Variants in SOX5 observed in about 807,000 individuals in gnomAD.
SOX5 encodes SRY-box transcription factor 5, also known as transcription factor SOX-5.
SOX5 carries 9 observed loss-of-function variants against 92.0 expected under a neutral mutation model. The observed-to-expected ratio is 0.10, with a 90% CI of 0.06 to 0.17. The LOEUF is 0.17. Among genes scored for constraint, SOX5 ranks in the 10% least tolerant of loss-of-function variants. The pLI, the probability that SOX5 is intolerant of heterozygous loss-of-function variation, is 1.00. For missense variants in SOX5, 642 were observed against 944.5 expected (o/e 0.68, Z 4.20); for synonymous variants, 344 against 336.3 (o/e 1.02, Z -0.25).
chr12:23,869,947 T>G (rs1401950533), intron 2 of SOX5, among the ~76,000 whole-genome samples: 1 of 152,290 alleles, frequency 6.6e-6, no homozygotes, highest in East Asian at 1.9e-4. Flanking sequence ...GATAAAAATG[T>G]GCTTTTCTCA....
intron 2 of SOX5, among the ~76,000 whole-genome samples, chr12:24,284,093 T>A (rs1945542036): frequency 6.6e-6 from 1 of 152,246 alleles, no homozygotes; most frequent in African/African-American, 2.4e-5. Flanking sequence ...AGTCGCATTG[T>A]CTGTCCCCAA....
At position 23,642,071 on chromosome 12, in the gene SOX5, C is replaced by T. The variant is rs190329728; in HGVS notation, c.932-1174G>A. Among the ~76,000 whole-genome samples, 513 of 152,040 alleles carry T rather than the reference C, an allele frequency of 3.4e-3. 7 individuals carry two copies. The highest frequency in any genetic ancestry group is 0.031 in the Admixed American group (470 of 15,282). ...CTGGCCTCTTGCAGTATGTTCACTGCGTATTTTTATATTTGTCATATATTT... is the reference window on the plus strand; with the variant it reads ...CTGGCCTCTTGCAGTATGTTCACTGTGTATTTTTATATTTGTCATATATTT... On this transcript the variant is annotated intron_variant, in intron 7 of 14. Coordinates refer to ENST00000451604, the MANE Select transcript of SOX5 (RefSeq NM_006940.6).
In SOX5 at chr12:24,355,280, ATCTTTTTTTTTTTTT is replaced by A. The variant is rs1322758011; in HGVS notation, c.-174+13268_-174+13282del. Reference sequence around the variant, plus strand: ...AGTTAGCAGGTGTGGTGAGGGGTGCATCTTTTTTTTTTTTTTTTTTTTTTTTTTTTTTTTTTTTTT... The same window carrying A: ...AGTTAGCAGGTGTGGTGAGGGGTGCATTTTTTTTTTTTTTTTTTTTTTTTT... On this transcript the variant is annotated intron_variant, in intron 2 of 4. Coordinates refer to the SOX5 transcript ENST00000446891. 2.7e-3 allele frequency among the ~76,000 whole-genome samples: 223 copies of A among 84,000 alleles called. 4 individuals are homozygous for A. Among genetic ancestry groups the A allele is most frequent in the African/African-American group, 0.012 (207 of 17,258 alleles). 55.1% of individuals were successfully genotyped at this position (84,000 alleles called of 152,430 possible).
intron 12 of SOX5, 59 bp downstream of exon 12, chr12:23,546,257 T>G: frequency 1.0e-6 from 1 of 954,730 alleles, no homozygotes; most frequent in Non-Finnish European, 1.7e-6. Flanking sequence ...CAGTTTTAAT[T>G]GGCACTACCT....
At chr12:23,899,208 C>G (rs1442730049) in intron 1 of SOX5, among the ~76,000 whole-genome samples, 1 of 151,926 alleles carries the variant, frequency 6.6e-6, no homozygotes, top group South Asian at 2.1e-4. Flanking sequence ...TCCAGATCAG[C>G]CTGACCAACA....
At chr12:23,611,961 A>C (rs909057434) in intron 8 of SOX5, among the ~76,000 whole-genome samples, 4 of 151,980 alleles carry the variant, frequency 2.6e-5, no homozygotes, top group Non-Finnish European at 4.4e-5. Context: ...CAACTGAAAT[A>C]TGTCTTTCTT....
intron 3 of SOX5, among the ~76,000 whole-genome samples, chr12:23,770,526 C>T (rs1335733599): frequency 6.8e-6 from 1 of 146,184 alleles, no homozygotes; most frequent in Non-Finnish European, 1.5e-5. Flanking sequence ...TTAAAAATCT[C>T]AGAAAAAAAT....
intron 1 of SOX5, among the ~76,000 whole-genome samples, chr12:24,493,586 C>T (rs142396083): frequency 1.3e-3 from 203 of 152,170 alleles, no homozygotes; most frequent in African/African-American, 4.4e-3. Context: ...TTGTTTTGGC[C>T]GGGTGCGGTG....
intron 4 of SOX5, among the ~76,000 whole-genome samples, chr12:24,176,218 A>G (rs530134921): frequency 2.0e-5 from 3 of 152,082 alleles, no homozygotes; most frequent in South Asian, 4.2e-4. Context: ...AGTCTCTGAT[A>G]CTTGGGAGGC....
At chr12:24,150,776 G>A (rs1336659209) in intron 4 of SOX5, among the ~76,000 whole-genome samples, 1 of 151,958 alleles carries the variant, frequency 6.6e-6, no homozygotes, top group Non-Finnish European at 1.5e-5. Flanking sequence ...GTAAAACAAG[G>A]GCTGCATCCT....
chr12:24,292,477 T>A (rs936860514), intron 2 of SOX5, among the ~76,000 whole-genome samples: 1 of 152,234 alleles, frequency 6.6e-6, no homozygotes, highest in Non-Finnish European at 1.5e-5. Flanking sequence ...ACATTACACT[T>A]ATGTACCTGC....
chr12:23,650,395 G>A (rs1323794055), intron 7 of SOX5, among the ~76,000 whole-genome samples: 2 of 152,096 alleles, frequency 1.3e-5, no homozygotes, highest in East Asian at 1.9e-4. Flanking sequence ...TCAGTGCAAC[G>A]AGCATTGCTC....
chr12:24,251,950 TAAA>T (rs71059994), intron 3 of SOX5, among the ~76,000 whole-genome samples: 1 of 148,416 alleles, frequency 6.7e-6, no homozygotes, highest in Non-Finnish European at 1.5e-5. Context: ...ACCCAGTTAT[TAAA>T]AAAAAAAAAA....
intron 4 of SOX5, among the ~76,000 whole-genome samples, chr12:24,006,669 C>CCTAACA (rs1403752665): frequency 6.6e-6 from 1 of 151,940 alleles, no homozygotes; most frequent in Non-Finnish European, 1.5e-5. Context: ...TAGGAAGATT[C>CCTAACA]CTTGTCCATA....
intron 2 of SOX5, among the ~76,000 whole-genome samples, chr12:24,288,364 C>T (rs542149469): frequency 5.3e-5 from 8 of 152,312 alleles, no homozygotes; most frequent in Non-Finnish European, 7.4e-5. Flanking sequence ...ACTTTTGTTA[C>T]ATAAACATAA....
chr12:24,306,961 C>T (rs1452912847), intron 2 of SOX5, among the ~76,000 whole-genome samples: 3 of 152,076 alleles, frequency 2.0e-5, no homozygotes, highest in Admixed American at 2.0e-4. Flanking sequence ...GACCAATGCT[C>T]ACCTTCCAAA....
At chr12:23,838,921 C>A (rs907844556) in intron 3 of SOX5, among the ~76,000 whole-genome samples, 5 of 150,352 alleles carry the variant, frequency 3.3e-5, no homozygotes, top group Non-Finnish European at 5.9e-5. Context: ...CTCACTGCAA[C>A]CTCCACCTCC....
chr12:23,850,870 C>T (rs142716993), intron 2 of SOX5, among the ~76,000 whole-genome samples: 14 of 152,246 alleles, frequency 9.2e-5, no homozygotes, highest in Non-Finnish European at 1.5e-4. Flanking sequence ...TACAATTGCA[C>T]GCACAATTTC....
chr12:24,555,497 T>C (rs1953685023), intron 1 of SOX5, among the ~76,000 whole-genome samples: 1 of 152,252 alleles, frequency 6.6e-6, no homozygotes, highest in South Asian at 2.1e-4. Flanking sequence ...AATCACCTGA[T>C]AAAATTCATC....
Sources: allele counts gnomAD v4.1 joint callset (sites outside exome capture counted in the v4.1 genomes callset), GRCh38; gene constraint gnomAD v4.1.1; transcripts MANE v1.5; gene names NCBI Gene and HGNC (gene_info 2026-07-23, HGNC 2026-07-21).